Variants in PDE4DIP observed in about 807,000 individuals in gnomAD.
PDE4DIP encodes phosphodiesterase 4D interacting protein, also known as myomegalin.
A neutral mutation model predicts 221.4 loss-of-function variants in PDE4DIP; 59 were observed. That is an observed-to-expected ratio of 0.27 (90% confidence interval 0.22 to 0.33). The LOEUF is 0.33. Ranked by LOEUF, PDE4DIP falls within the 10% of genes least tolerant of loss-of-function variation. The probability of loss-of-function intolerance (pLI) is 1.00; values close to 1 mark genes in which losing one functional copy is unlikely to be tolerated. For synonymous variants in PDE4DIP, 404 were observed against 815.9 expected (o/e 0.50, Z 8.60); for missense variants, 1,036 against 2,154.2 (o/e 0.48, Z 10.28).
intron 1 of PDE4DIP, among the ~76,000 whole-genome samples, chr1:148,926,718 G>T (rs1415538644): frequency 1.3e-5 from 2 of 151,746 alleles, no homozygotes; most frequent in African/African-American, 2.4e-5. Context: ...ATAATTGAAT[G>T]CATATTCCTT....
At chr1:148,815,060 T>C (rs1430091895) in intron 1 of PDE4DIP, among the ~76,000 whole-genome samples, 2 of 111,114 alleles carry the variant, frequency 1.8e-5, no homozygotes, top group Admixed American at 1.8e-4. Flanking sequence ...GAGTTAAGTA[T>C]TTAAAACAGT....
At chr1:148,820,830 ATTATTTATTTATTTAT>A (rs56760360) in intron 1 of PDE4DIP, among the ~76,000 whole-genome samples, 2 of 112,314 alleles carry the variant, frequency 1.8e-5, no homozygotes, top group Non-Finnish European at 3.7e-5. Context: ...GGATGATCTG[ATTATTTATTTATTTAT>A]TTATTTATTT....
intron 21 of PDE4DIP, chr1:148,982,920 A>G (rs782084852): frequency 2.0e-5 from 3 of 152,160 alleles, no homozygotes; most frequent in African/African-American, 7.2e-5. Flanking sequence ...CAGTCAAACT[A>G]GAGTGGACAG....
chr1:149,023,008 A>G (rs2073586805), intron 37 of PDE4DIP, among the ~76,000 whole-genome samples: 1 of 152,302 alleles, frequency 6.6e-6, no homozygotes, highest in Non-Finnish European at 1.5e-5. Context: ...AAAGAGAGAG[A>G]GGAACATCAT....
Position 148,972,690 on chromosome 1 carries a change from C to T in PDE4DIP, c.2227+98C>T, listed in dbSNP as rs2059435495. ...ATAGGTTTGGCCAAGACTCTTTTCT[C>T]TTCCTACCTTAATAGAACAAATAAG... On this transcript the variant is annotated intron_variant, in intron 16 of 43. Transcript: ENST00000369354. 1.6e-5 allele frequency: 8 copies of T among 492,604 alleles called. No homozygotes were observed. In the South Asian group the frequency reaches 2.0e-4, roughly 13 times the overall value. The allele number at this position is 492,604 out of a possible 1,614,324, so 30.5% of individuals were successfully genotyped here. A position where few individuals can be genotyped will look rare whatever the true frequency, so the allele number is the denominator to read the frequency against.
At chr1:149,012,602 C>T (rs1163963196) in exon 32 of PDE4DIP, 1 of 1,584,742 alleles carries the variant, frequency 6.3e-7, no homozygotes, top group African/African-American at 1.4e-5. Context: ...CTTTCATTTT[C>T]ACTCCATACC....
chr1:148,936,583 G>C (rs1483441355), intron 4 of PDE4DIP, among the ~76,000 whole-genome samples: 4 of 152,112 alleles, frequency 2.6e-5, no homozygotes, highest in Admixed American at 2.0e-4. Flanking sequence ...GGAACATGCT[G>C]TGGGTGATTT....
upstream of PDE4DIP, among the ~76,000 whole-genome samples, chr1:148,888,028 CTT>C (rs1553432375): frequency 7.3e-6 from 1 of 137,780 alleles, no homozygotes; most frequent in African/African-American, 2.6e-5. Flanking sequence ...CCTAATGAAG[CTT>C]TCTCTGATCA....
At chr1:149,009,917 A>G (rs2068085310) in intron 30 of PDE4DIP, 126 bp downstream of exon 33, 2 of 766,836 alleles carry the variant, frequency 2.6e-6, no homozygotes, top group East Asian at 2.5e-5. Context: ...AGTGCCATGC[A>G]CAGGCACCAG....
chr1:149,029,582 G>A (rs1294455878), intron 41 of PDE4DIP, among the ~76,000 whole-genome samples: 1 of 152,108 alleles, frequency 6.6e-6, no homozygotes, highest in Non-Finnish European at 1.5e-5. Flanking sequence ...GTCTGCATGG[G>A]GAATTCCAGA....
chr1:148,971,565 C>T (rs1393484227), intron 14 of PDE4DIP, among the ~76,000 whole-genome samples: 6 of 152,264 alleles, frequency 3.9e-5, no homozygotes, highest in African/African-American at 9.6e-5. Flanking sequence ...TCCGTCACTA[C>T]ACATTTTATG....
intron 23 of PDE4DIP, among the ~76,000 whole-genome samples, chr1:149,000,309 C>G (rs140734642): frequency 6.6e-6 from 1 of 152,210 alleles, no homozygotes; most frequent in Non-Finnish European, 1.5e-5. Context: ...AATCTCAACA[C>G]TTTGGGAGGC....
chr1:148,829,051 C>A lies in PDE4DIP; in HGVS notation c.233+20314C>A, dbSNP rs1175265253. On this transcript the variant is annotated intron_variant, in intron 1 of 45. Coordinates refer to the PDE4DIP transcript ENST00000524974. ...ACACACACACACACACACACACTCA[C>A]ACACACACACTTCCTCAAGACAGAT... 1.1e-4 allele frequency among the ~76,000 whole-genome samples: 17 copies of A among 150,092 alleles called. No homozygotes were observed. The Admixed American group carries it at 1.1e-3, about 10-fold the overall frequency.
intron 22 of PDE4DIP, 59 bp from the exon 26 acceptor site, chr1:148,998,084 A>T: frequency 1.2e-6 from 1 of 828,394 alleles, no homozygotes; most frequent in Non-Finnish European, 2.0e-6. Flanking sequence ...TTGCAATCTC[A>T]TGTTTCTCTT....
chr1:148,986,724 A>C (rs1437454126), intron 21 of PDE4DIP, among the ~76,000 whole-genome samples: 1 of 152,178 alleles, frequency 6.6e-6, no homozygotes, highest in Non-Finnish European at 1.5e-5. Flanking sequence ...TTACCTTAAA[A>C]ACCCTCCTTG....
chr1:149,015,549 G>A (rs2070196715), intron 32 of PDE4DIP, among the ~76,000 whole-genome samples: 1 of 152,198 alleles, frequency 6.6e-6, no homozygotes. Flanking sequence ...CAGAGAAGTG[G>A]AGATGATGGG....
intron 5 of PDE4DIP, chr1:148,953,080 T>C (rs782375476): frequency 1.2e-6 from 2 of 1,614,060 alleles, no homozygotes; most frequent in Non-Finnish European, 1.7e-6. Flanking sequence ...ATCGGAAGAA[T>C]AACGATGACT....
intron 1 of PDE4DIP, among the ~76,000 whole-genome samples, chr1:148,906,007 AT>A (rs1226524426): frequency 8.3e-6 from 1 of 119,876 alleles, no homozygotes; most frequent in African/African-American, 3.4e-5. Flanking sequence ...GATCTTGGTT[AT>A]TTCCTTTCTT....
chr1:149,017,891 C>G lies in PDE4DIP; in HGVS notation c.5650+12C>G, dbSNP rs782234386. Reference sequence around the variant, plus strand: ...TGCTCGTGGAAGGGGTAGGAGAGGCCCAGACCTTCCTGTTTCTGGCTCTAT... The same window carrying G: ...TGCTCGTGGAAGGGGTAGGAGAGGCGCAGACCTTCCTGTTTCTGGCTCTAT... On this transcript the variant is annotated intron_variant, in intron 34 of 43. Coordinates refer to ENST00000369354, the Ensembl canonical transcript of PDE4DIP. 8 of 1,579,526 alleles carry G rather than the reference C, an allele frequency of 5.1e-6. No homozygotes were observed. Among genetic ancestry groups the G allele is most frequent in the Non-Finnish European group, 6.9e-6 (8 of 1,156,020 alleles).
Sources: allele counts gnomAD v4.1 joint callset (sites outside exome capture counted in the v4.1 genomes callset), GRCh38; gene constraint gnomAD v4.1.1; transcripts MANE v1.5; gene names NCBI Gene and HGNC (gene_info 2026-07-23, HGNC 2026-07-21).